The following ARMC8 variants were observed in gnomAD, a reference collection of about 807,000 sequenced individuals.
ARMC8 encodes armadillo repeat-containing protein 8.
A neutral mutation model predicts 99.3 loss-of-function variants in ARMC8; 20 were observed. The ratio of observed to expected loss-of-function variants is 0.20; its 90% CI spans 0.14 to 0.29. The LOEUF is 0.29. ARMC8 is among the 10% of genes least tolerant of loss of function. The pLI is 1.00. For missense variants in ARMC8, 569 were observed against 809.5 expected (o/e 0.70, Z 3.60); for synonymous variants, 263 against 278.3 (o/e 0.95, Z 0.55).
At chr3:138,255,210 T>G (rs559108847) in intron 12 of ARMC8, among the ~76,000 whole-genome samples, 1,668 of 147,632 alleles carry the variant, frequency 0.011, 40 homozygotes, top group African/African-American at 0.037. Flanking sequence ...TTTTTTGTTT[T>G]TTTTTTTTTT....
At chr3:138,269,797 A>C (rs1226018473) in intron 15 of ARMC8, among the ~76,000 whole-genome samples, 1 of 147,366 alleles carries the variant, frequency 6.8e-6, no homozygotes, top group East Asian at 2.1e-4. Flanking sequence ...GAAATGACAG[A>C]GTGGTTTGGT....
chr3:138,190,220 G>C (rs1483403885), intron 1 of ARMC8, among the ~76,000 whole-genome samples: 1 of 145,774 alleles, frequency 6.9e-6, no homozygotes, highest in Non-Finnish European at 1.5e-5. Flanking sequence ...GATTGAATTT[G>C]TTTTGCCCAA....
intron 12 of ARMC8, among the ~76,000 whole-genome samples, chr3:138,250,469 CAT>C (rs1409789782): frequency 2.0e-5 from 3 of 152,076 alleles, no homozygotes; most frequent in African/African-American, 7.2e-5. Context: ...GTTTTAGAAA[CAT>C]AGGCTCTTTC....
At position 138,286,090 on chromosome 3, in the gene ARMC8, C is replaced by T. The variant is rs376408550; in HGVS notation, c.1821+1564C>T. Among the ~76,000 whole-genome samples the T allele has an allele frequency of 1.1e-3, 166 of 152,138 alleles. 3 individuals carry two copies. The South Asian group carries it at 0.032, about 30-fold the overall frequency. On this transcript the variant is annotated intron_variant, in intron 19 of 21. Transcript: ENST00000469044. The stretch of plus-strand genomic sequence containing the variant: ...TCCTGAGTAGCTGGGATTACAGGCG[C>T]GGCACTATTGCCCGGCTAATTTTTG...
intron 12 of ARMC8, 151 bp from the exon 13 acceptor site, chr3:138,263,588 G>A (rs1479223771): frequency 2.0e-5 from 14 of 698,124 alleles, no homozygotes; most frequent in Non-Finnish European, 2.5e-5. Context: ...TGAGCTGCCC[G>A]CCCCCAGCGC....
At chr3:138,285,196 C>T (rs2050291009) in intron 19 of ARMC8, among the ~76,000 whole-genome samples, 1 of 152,218 alleles carries the variant, frequency 6.6e-6, no homozygotes, top group Non-Finnish European at 1.5e-5. Flanking sequence ...CTGGCACCCT[C>T]ATTCTCCATG....
At chr3:138,205,641 A>G (rs1369527936) in intron 1 of ARMC8, among the ~76,000 whole-genome samples, 1 of 152,136 alleles carries the variant, frequency 6.6e-6, no homozygotes, top group Non-Finnish European at 1.5e-5. Flanking sequence ...GTGATGCTTT[A>G]AAAACATAAG....
rs796313556 is a variant in ARMC8, at chr3:138,252,762, C to A, written c.1134+7579C>A. ...AGCCACCCCGCCCCCCCCCCCCCCC[C>A]ACCCGGCCTAAATAGAAACTCTCAT... On this transcript the variant is annotated intron_variant, in intron 12 of 21. Coordinates refer to ENST00000469044, the MANE Select transcript of ARMC8 (RefSeq NM_001363941.2). 3.4e-4 allele frequency among the ~76,000 whole-genome samples: 19 copies of A among 56,096 alleles called. 1 individual carries two copies. The highest frequency in any genetic ancestry group is 8.7e-4 in the East Asian group (1 of 1,150). 36.8% of individuals were successfully genotyped at this position (56,096 alleles called of 152,430 possible). A position where few individuals can be genotyped will look rare whatever the true frequency, so the allele number is the denominator to read the frequency against.
intron 1 of ARMC8, among the ~76,000 whole-genome samples, chr3:138,202,150 G>A (rs1332390017): frequency 6.6e-6 from 1 of 152,146 alleles, no homozygotes; most frequent in African/African-American, 2.4e-5. Flanking sequence ...GCTGAATTAT[G>A]AACAGTTTTA....
chr3:138,209,197 C>T (rs946594985), intron 1 of ARMC8, among the ~76,000 whole-genome samples: 48 of 152,206 alleles, frequency 3.2e-4, no homozygotes, highest in African/African-American at 1.1e-3. Context: ...ATTATACGTA[C>T]ATGACACCCA....
At chr3:138,237,175 T>G in intron 7 of ARMC8, 134 bp from the exon 8 acceptor site, 2 of 719,724 alleles carry the variant, frequency 2.8e-6, no homozygotes, top group Non-Finnish European at 4.7e-6. Flanking sequence ...ACAGGTGTTA[T>G]TGTTATTTCT....
intron 3 of ARMC8, among the ~76,000 whole-genome samples, chr3:138,222,835 G>GT: frequency 6.6e-6 from 1 of 152,274 alleles, no homozygotes; most frequent in South Asian, 2.1e-4. Context: ...TTAGGGTTTG[G>GT]GGAGTATTTG....
intron 19 of ARMC8, among the ~76,000 whole-genome samples, chr3:138,287,291 C>T (rs1442127375): frequency 2.0e-5 from 3 of 152,194 alleles, no homozygotes; most frequent in African/African-American, 7.2e-5. Context: ...CTCCTTCTTA[C>T]TTCAGACCTT....
intron 12 of ARMC8, 179 bp from the exon 13 acceptor site, chr3:138,263,560 C>G (rs2047964763): frequency 1.6e-6 from 1 of 633,160 alleles, no homozygotes; most frequent in African/African-American, 1.8e-5. Flanking sequence ...CCTTAGTGGG[C>G]TAGACCTACC....
In ARMC8 at chr3:138,280,685, G is replaced by A. The variant is rs573116998; in HGVS notation, c.1726-3746G>A. On this transcript the variant is annotated intron_variant, in intron 18 of 21. Coordinates refer to ENST00000469044, the MANE Select transcript of ARMC8 (RefSeq NM_001363941.2). ...ATTTTTGTATTTTTAGTAGAGACAG[G>A]GTTTCACCATGTTGGCCAAGCTGGT... is the stretch of plus-strand genomic sequence containing the variant. Among the ~76,000 whole-genome samples, 27 of 151,946 alleles carry A rather than the reference G, an allele frequency of 1.8e-4. No homozygotes were observed. The East Asian group carries it at 4.9e-3, about 27-fold the overall frequency.
intron 16 of ARMC8, 116 bp from the exon 17 acceptor site, chr3:138,272,850 CG>C: frequency 1.1e-6 from 1 of 917,724 alleles, no homozygotes; most frequent in South Asian, 2.7e-5. Context: ...CCAGCCTGGG[CG>C]ACAGAGCAAG....
At position 138,187,306 on chromosome 3, in the gene ARMC8, C is replaced by T. The variant is rs368294057; in HGVS notation, c.-249C>T. ...GCATGCGGAAACCGCTGCCCGCTTCCACCTCTAACCCAGGCTCAGAGTAGC... is the reference window on the plus strand; with the variant it reads ...GCATGCGGAAACCGCTGCCCGCTTCTACCTCTAACCCAGGCTCAGAGTAGC... On this transcript the variant is annotated 5_prime_UTR_variant, in exon 1 of 22. Coordinates refer to ENST00000469044, the MANE Select transcript of ARMC8 (RefSeq NM_001363941.2). The T allele has an allele frequency of 1.1e-5, 5 of 437,126 alleles. No individual in the cohort carries two copies. Among genetic ancestry groups the T allele is most frequent in the East Asian group, 7.0e-5 (2 of 28,448 alleles). The allele number at this position is 437,126 out of a possible 1,614,324, so 27.1% of individuals were successfully genotyped here.
intron 19 of ARMC8, 28 bp from the exon 20 acceptor site, chr3:138,289,020 A>ATT: frequency 6.4e-7 from 1 of 1,568,878 alleles, no homozygotes; most frequent in Non-Finnish European, 8.7e-7. Context: ...CACCATTTTG[A>ATT]TTTTTTTTTC....
chr3:138,242,039 A>G (rs945887363), intron 11 of ARMC8, 56 bp downstream of exon 11: 1 of 1,485,718 alleles, frequency 6.7e-7, no homozygotes, highest in Admixed American at 1.7e-5. Flanking sequence ...AGTTTTTCTT[A>G]CTGTTCACAG....
Sources: gnomAD v4.1 joint callset for allele counts (sites outside exome capture counted in the v4.1 genomes callset) on GRCh38, gnomAD v4.1.1 for gene constraint, MANE v1.5 for transcripts, NCBI Gene and HGNC (gene_info 2026-07-23, HGNC 2026-07-21) for gene names.